The following GPATCH2L variants were observed in gnomAD, a reference collection of about 807,000 sequenced individuals.
The protein encoded by GPATCH2L is G patch domain-containing protein 2-like.
Under a neutral mutation model 57.4 loss-of-function variants are expected in GPATCH2L, and 31 were observed. That is an observed-to-expected ratio of 0.54 (90% CI 0.41 to 0.73). GPATCH2L has a LOEUF of 0.73. Among genes scored for constraint, GPATCH2L ranks in the 30% least tolerant of loss-of-function variants. The pLI is 0.00. For synonymous variants in GPATCH2L, 199 were observed against 210.7 expected (o/e 0.94, Z 0.48); for missense variants, 481 against 599.9 (o/e 0.80, Z 2.07).
intron 7 of GPATCH2L, 50 bp downstream of exon 7, chr14:76,178,092 C>G: frequency 7.0e-7 from 1 of 1,438,020 alleles, no homozygotes; most frequent in Non-Finnish European, 9.7e-7. Flanking sequence ...GAACCGTTTT[C>G]TAAGAGTATC....
At position 76,208,055 on chromosome 14, in the gene GPATCH2L, T is replaced by C. The variant is rs2040398881; in HGVS notation, c.*6204T>C. The stretch of plus-strand genomic sequence containing the variant: ...CAGTCTTTTAAAACACCACACTTCT[T>C]TTCCATCTTGAAGACCAGTTAAAAC... On this transcript the variant is annotated 3_prime_UTR_variant, in exon 10 of 10. Transcript: ENST00000261530. 6.6e-6 allele frequency: 1 copy of C among 152,198 alleles called. No homozygotes were observed. Among genetic ancestry groups the C allele is most frequent in the Non-Finnish European group, 1.5e-5 (1 of 68,038 alleles). The allele number at this position is 152,198 out of a possible 1,614,324, so 9.4% of individuals were successfully genotyped here.
At chr14:76,194,502 T>TGTGTGTGTGTGTGTGC (rs985038118) in intron 8 of GPATCH2L, among the ~76,000 whole-genome samples, 6 of 152,092 alleles carry the variant, frequency 3.9e-5, no homozygotes, top group African/African-American at 1.4e-4. Flanking sequence ...TGTGTGTGTG[T>TGTGTGTGTGTGTGTGC]GTGCACGCTC....
At chr14:76,158,697 C>A (rs1421675064) in intron 2 of GPATCH2L, among the ~76,000 whole-genome samples, 2 of 152,260 alleles carry the variant, frequency 1.3e-5, no homozygotes, top group Non-Finnish European at 2.9e-5. Flanking sequence ...GTTTTCTATT[C>A]TGTAAGTAGG....
Position 76,206,974 on chromosome 14 carries a change from A to G in GPATCH2L, c.*5123A>G, listed in dbSNP as rs1049015700. On this transcript the variant is annotated 3_prime_UTR_variant, in exon 10 of 10. Transcript: ENST00000261530. ...AAAGATCTTTTTGAAGAATTGACAA[A>G]GGATGCTATCAAGGGCTATGTTTAG... is the stretch of plus-strand genomic sequence containing the variant. The G allele has an allele frequency of 1.3e-5, 2 of 152,110 alleles. No homozygotes were observed. Among genetic ancestry groups the G allele is most frequent in the African/African-American group, 4.8e-5 (2 of 41,408 alleles). 9.4% of individuals were successfully genotyped at this position (152,110 alleles called of 1,614,324 possible). A position where few individuals can be genotyped will look rare whatever the true frequency, so the allele number is the denominator to read the frequency against.
In GPATCH2L at chr14:76,210,535, G is replaced by A. The variant is rs1335170217; in HGVS notation, c.*8684G>A. Reference sequence around the variant, plus strand: ...CTGTGAATGGGCTCATCCCTTCTCTGTGCGTACATGATTGAAAGGAGATAG... The same window carrying A: ...CTGTGAATGGGCTCATCCCTTCTCTATGCGTACATGATTGAAAGGAGATAG... On this transcript the variant is annotated 3_prime_UTR_variant, in exon 10 of 10. Transcript: ENST00000261530. The A allele has an allele frequency of 1.3e-5, 2 of 152,180 alleles. No individual in the cohort carries two copies. The highest frequency in any genetic ancestry group is 2.9e-5 in the Non-Finnish European group (2 of 68,046). The allele number at this position is 152,180 out of a possible 1,614,324, so 9.4% of individuals were successfully genotyped here.
intron 1 of GPATCH2L, among the ~76,000 whole-genome samples, chr14:76,228,737 A>T (rs2040547317): frequency 6.6e-6 from 1 of 152,144 alleles, no homozygotes; most frequent in Non-Finnish European, 1.5e-5. Flanking sequence ...GTGACTGTGA[A>T]AGGATGTGAC....
intron 1 of GPATCH2L, among the ~76,000 whole-genome samples, chr14:76,226,433 G>T (rs766859742): frequency 5.3e-5 from 8 of 152,220 alleles, no homozygotes; most frequent in Non-Finnish European, 1.2e-4. Flanking sequence ...GATTGTGCTT[G>T]CTGTAGATGT....
intron 8 of GPATCH2L, among the ~76,000 whole-genome samples, chr14:76,191,614 T>G (rs2039967217): frequency 6.6e-6 from 1 of 152,128 alleles, no homozygotes; most frequent in Admixed American, 6.6e-5. Context: ...CCCAGGCTTG[T>G]TCTCTTTTTC....
rs545349355 is a variant in GPATCH2L at position 76,207,773 on chromosome 14, G to A, written c.*5922G>A. 2.0e-5 allele frequency: 3 copies of A among 152,272 alleles called. No homozygotes were observed. Among genetic ancestry groups the A allele is most frequent in the East Asian group, 3.9e-4 (2 of 5,190 alleles). 9.4% of individuals were successfully genotyped at this position (152,272 alleles called of 1,614,324 possible). ...TTTGGTTGTTGTTATTGTCTGACTC[G>A]TGGATTCAGCATTTCAGAATATGGT... On this transcript the variant is annotated 3_prime_UTR_variant, in exon 10 of 10. Transcript: ENST00000261530.
chr14:76,220,788 C>T (rs942915656), intron 1 of GPATCH2L, among the ~76,000 whole-genome samples: 5 of 152,018 alleles, frequency 3.3e-5, no homozygotes, highest in African/African-American at 1.2e-4. Context: ...TTAAAAACCC[C>T]AGCAGAGCCT....
At chr14:76,225,447 A>G (rs75012330) in intron 1 of GPATCH2L, among the ~76,000 whole-genome samples, 3,372 of 152,300 alleles carry the variant, frequency 0.022, 76 homozygotes, top group South Asian at 0.078. Context: ...CAACTTGAAA[A>G]AAACCAAGTC....
At chr14:76,168,489 G>T (rs2038943365) in intron 3 of GPATCH2L, among the ~76,000 whole-genome samples, 1 of 152,162 alleles carries the variant, frequency 6.6e-6, no homozygotes, top group South Asian at 2.1e-4. Flanking sequence ...CACTGATCTT[G>T]CCTGGGCTCC....
chr14:76,220,314 G>A (rs1253883787), intron 1 of GPATCH2L, among the ~76,000 whole-genome samples: 1 of 152,022 alleles, frequency 6.6e-6, no homozygotes, highest in Non-Finnish European at 1.5e-5. Context: ...GAAAGTAAAA[G>A]GATGATAAAA....
chr14:76,180,667 A>T, intron 7 of GPATCH2L, 97 bp from the exon 8 acceptor site: 1 of 784,598 alleles, frequency 1.3e-6, no homozygotes, highest in Non-Finnish European at 2.3e-6. Flanking sequence ...CAAGAGTTGG[A>T]TAGTCAAAGG....
intron 8 of GPATCH2L, among the ~76,000 whole-genome samples, chr14:76,192,637 GTC>G (rs2040016092): frequency 6.6e-6 from 1 of 152,162 alleles, no homozygotes; most frequent in African/African-American, 2.4e-5. Context: ...GGCAGAGATT[GTC>G]TCTTGTTTAT....
At chr14:76,224,796 G>A (rs2040529761) in intron 1 of GPATCH2L, among the ~76,000 whole-genome samples, 1 of 152,070 alleles carries the variant, frequency 6.6e-6, no homozygotes, top group Admixed American at 6.5e-5. Flanking sequence ...AATTTGGCAA[G>A]GCTACTGGAT....
chr14:76,168,104 G>A (rs1372705408), intron 3 of GPATCH2L, among the ~76,000 whole-genome samples: 1 of 152,180 alleles, frequency 6.6e-6, no homozygotes, highest in Non-Finnish European at 1.5e-5. Flanking sequence ...TGGTGACATT[G>A]ATGCTTAGCG....
At position 76,210,967 on chromosome 14, in the gene GPATCH2L, T is replaced by C. The variant is rs1595007934; in HGVS notation, c.*9116T>C. The C allele has an allele frequency of 6.6e-6, 1 of 152,136 alleles. No homozygotes were observed. The highest frequency in any genetic ancestry group is 1.9e-4 in the East Asian group (1 of 5,192). The allele number at this position is 152,136 out of a possible 1,614,324, so 9.4% of individuals were successfully genotyped here. ...TCTGCGGAAGAGACCAGAAAAAAAG[T>C]ATTACAATGTAGAATGAAATAAGAA... is the stretch of plus-strand genomic sequence containing the variant. On this transcript the variant is annotated 3_prime_UTR_variant, in exon 10 of 10. Transcript: ENST00000261530.
At chr14:76,229,760 A>T (rs2040552245) in intron 1 of GPATCH2L, 1 of 152,116 alleles carries the variant, frequency 6.6e-6, no homozygotes, top group South Asian at 2.1e-4. Flanking sequence ...CATAATTTCT[A>T]AAGCTATGCA....
Sources: gnomAD v4.1 joint callset for allele counts (sites outside exome capture counted in the v4.1 genomes callset) on GRCh38, gnomAD v4.1.1 for gene constraint, MANE v1.5 for transcripts, NCBI Gene and HGNC (gene_info 2026-07-23, HGNC 2026-07-21) for gene names.